FEZ2: variants seen among roughly 807,000 people sequenced by gnomAD.
FEZ2 encodes fasciculation and elongation protein zeta 2.
In FEZ2, 51 loss-of-function variants were observed where a neutral mutation model predicts 40.4. That is an observed-to-expected ratio of 1.26 (90% CI 1.01 to 1.59). The LOEUF (loss-of-function observed/expected upper bound fraction) is 1.59, where lower values mean the gene tolerates loss of function less well. FEZ2 is among the 40% of genes most tolerant of loss of function. FEZ2 has a pLI of 0.00. For synonymous variants in FEZ2, 242 were observed against 172.0 expected (o/e 1.41, Z -3.18); for missense variants, 640 against 438.3 (o/e 1.46, Z -4.11).
At chr2:36,555,448 AG>A (rs1667933109) in intron 7 of FEZ2, 1 of 333,966 alleles carries the variant, frequency 3.0e-6, no homozygotes, top group Admixed American at 4.7e-5. Flanking sequence ...TGATGTTTAT[AG>A]TTTAACTGTG....
At chr2:36,595,869 T>G (rs1336300167) in intron 1 of FEZ2, among the ~76,000 whole-genome samples, 1 of 152,200 alleles carries the variant, frequency 6.6e-6, no homozygotes, top group Admixed American at 6.5e-5. Context: ...ACAAAATATT[T>G]TTAAGCAAAG....
At chr2:36,577,332 A>T (rs1668602619) in intron 5 of FEZ2, among the ~76,000 whole-genome samples, 1 of 151,400 alleles carries the variant, frequency 6.6e-6, no homozygotes, top group Admixed American at 6.6e-5. Context: ...ATCTTGGCTC[A>T]CCGCAATCTC....
rs1669215001 is a variant in FEZ2 at position 36,596,111 on chromosome 2, C to G, written c.266+1766G>C. Reference sequence around the variant, plus strand: ...GGGAACAGGCTTCCAAAAATGTCATCTTTTGCTACTGACGGCATGCATGTG... The same window carrying G: ...GGGAACAGGCTTCCAAAAATGTCATGTTTTGCTACTGACGGCATGCATGTG... On this transcript the variant is annotated intron_variant, in intron 1 of 7. Transcript: ENST00000405912. 2.0e-5 allele frequency among the ~76,000 whole-genome samples: 3 copies of G among 152,188 alleles called. No individual in the cohort carries two copies. The South Asian group carries it at 6.2e-4, about 31-fold the overall frequency.
At position 36,578,849 on chromosome 2, in the gene FEZ2, T is replaced by TGA; in HGVS notation, c.649_650dup (p.Val218GlnfsTer5). ...CCAGGATTTCATTTAACTCAGACAC[T>TGA]GAGAGCCTTTTCACTCCTGTGACCA... On this transcript the variant is annotated frameshift_variant, in exon 5 of 8. Transcript: ENST00000405912. LOFTEE classifies it high-confidence loss of function. 1 of 1,610,256 alleles carries TGA rather than the reference T, an allele frequency of 6.2e-7. No individual in the cohort carries two copies.
intron 1 of FEZ2, among the ~76,000 whole-genome samples, chr2:36,592,735 A>G (rs934516298): frequency 6.6e-6 from 1 of 152,152 alleles, no homozygotes; most frequent in South Asian, 2.1e-4. Flanking sequence ...GGACTGCTTA[A>G]GCCCAGGAGC....
At chr2:36,583,294 A>C in intron 3 of FEZ2, 59 bp downstream of exon 3, 1 of 854,512 alleles carries the variant, frequency 1.2e-6, no homozygotes, top group Non-Finnish European at 2.0e-6. Flanking sequence ...TCATAACAAG[A>C]AGCCGTTTTT....
intron 5 of FEZ2, among the ~76,000 whole-genome samples, chr2:36,569,549 CACTATGCTACATAAAA>C (rs1328811880): frequency 6.6e-6 from 1 of 152,190 alleles, no homozygotes; most frequent in Non-Finnish European, 1.5e-5. Context: ...AGCTAGAGAA[CACTATGCTACATAAAA>C]GTGAACAAGA....
rs188136118 is a variant in FEZ2 at position 36,572,244 on chromosome 2, C to G, written c.903+6353G>C. 7.9e-4 allele frequency among the ~76,000 whole-genome samples: 120 copies of G among 152,238 alleles called. 1 individual carries two copies. Among genetic ancestry groups the G allele is most frequent in the Admixed American group, 1.4e-3 (22 of 15,296 alleles). On this transcript the variant is annotated intron_variant, in intron 5 of 7. Transcript: ENST00000405912. ...CACAGCACAGAGGTCTGCTGTTAGA[C>G]AAGAAGCTGCCACACGTAGCTTGGA...
intron 1 of FEZ2, 117 bp downstream of exon 1, chr2:36,597,760 G>A: frequency 2.7e-6 from 2 of 737,992 alleles, no homozygotes; most frequent in Non-Finnish European, 3.8e-6. Flanking sequence ...GAGAGGGCGG[G>A]GACTCCCGCG....
At chr2:36,562,117 G>A (rs1292849212) in intron 5 of FEZ2, among the ~76,000 whole-genome samples, 1 of 152,132 alleles carries the variant, frequency 6.6e-6, no homozygotes, top group East Asian at 1.9e-4. Context: ...GAATCTAGCT[G>A]TCTTTAATCA....
At chr2:36,554,809 T>C (rs1667912583) in intron 7 of FEZ2, among the ~76,000 whole-genome samples, 1 of 152,210 alleles carries the variant, frequency 6.6e-6, no homozygotes, top group Admixed American at 6.5e-5. Flanking sequence ...CAGAGGTTTC[T>C]AATGTCTCAG....
At chr2:36,569,393 C>T (rs1422723488) in intron 5 of FEZ2, among the ~76,000 whole-genome samples, 1 of 152,088 alleles carries the variant, frequency 6.6e-6, no homozygotes, top group Non-Finnish European at 1.5e-5. Context: ...AATAAATCCC[C>T]GATTATAGTT....
At chr2:36,554,707 T>G (rs1488178036) in intron 7 of FEZ2, among the ~76,000 whole-genome samples, 1 of 152,208 alleles carries the variant, frequency 6.6e-6, no homozygotes, top group Non-Finnish European at 1.5e-5. Flanking sequence ...GCATCAAGAC[T>G]CTTACAAGTG....
At chr2:36,567,204 C>T (rs191947227) in intron 5 of FEZ2, among the ~76,000 whole-genome samples, 2 of 151,828 alleles carry the variant, frequency 1.3e-5, no homozygotes, top group Admixed American at 1.3e-4. Context: ...AACCCAAGAG[C>T]CTTAGAGCCT....
intron 2 of FEZ2, among the ~76,000 whole-genome samples, chr2:36,584,452 TA>T (rs1209098616): frequency 2.0e-5 from 3 of 152,194 alleles, no homozygotes; most frequent in Non-Finnish European, 4.4e-5. Context: ...GTACTGATTG[TA>T]AAAACTTTGC....
chr2:36,570,500 T>G (rs976826441), intron 5 of FEZ2, among the ~76,000 whole-genome samples: 1 of 152,214 alleles, frequency 6.6e-6, no homozygotes, highest in African/African-American at 2.4e-5. Flanking sequence ...ATAATTGATC[T>G]TGGCAATTTT....
intron 5 of FEZ2, among the ~76,000 whole-genome samples, chr2:36,566,125 G>T (rs961951845): frequency 1.3e-5 from 2 of 152,160 alleles, no homozygotes; most frequent in Non-Finnish European, 2.9e-5. Context: ...TATAAGAAAA[G>T]TTCAGGAGAT....
At chr2:36,596,474 T>A (rs1181001714) in intron 1 of FEZ2, among the ~76,000 whole-genome samples, 3 of 152,224 alleles carry the variant, frequency 2.0e-5, no homozygotes, top group Non-Finnish European at 4.4e-5. Context: ...TCCTCATTTT[T>A]GAGACAAAGT....
At chr2:36,576,918 A>G (rs1558451212) in intron 5 of FEZ2, among the ~76,000 whole-genome samples, 1 of 152,228 alleles carries the variant, frequency 6.6e-6, no homozygotes, top group Non-Finnish European at 1.5e-5. Context: ...TAACAGCAAT[A>G]AATGGAGGAT....
Sources: allele counts gnomAD v4.1 joint callset (sites outside exome capture counted in the v4.1 genomes callset), GRCh38; gene constraint gnomAD v4.1.1; transcripts MANE v1.5; gene names NCBI Gene and HGNC (gene_info 2026-07-23, HGNC 2026-07-21).